SART3: variants seen among roughly 807,000 people sequenced by gnomAD.
SART3 encodes HIV-1 Tat-interacting protein of 110kDa.
Under a neutral mutation model 122.3 loss-of-function variants are expected in SART3, and 44 were observed. The ratio of observed to expected loss-of-function variants is 0.36; its 90% CI spans 0.28 to 0.46. The LOEUF (loss-of-function observed/expected upper bound fraction) is 0.46, where lower values mean the gene tolerates loss of function less well. Ranked by LOEUF, SART3 falls within the 20% of genes least tolerant of loss-of-function variation. The pLI is 1.00. For synonymous variants in SART3, 442 were observed against 454.0 expected, an observed-to-expected ratio of 0.97 and a Z score of 0.34; for missense variants, 1,101 against 1,229.0, an observed-to-expected ratio of 0.90 and a Z score of 1.56.
At chr12:108,529,039 C>T (rs1872527980) in intron 15 of SART3, among the ~76,000 whole-genome samples, 1 of 152,180 alleles carries the variant, frequency 6.6e-6, no homozygotes, top group African/African-American at 2.4e-5. Context: ...ACAAGAATCA[C>T]TTGAACCCGG....
At chr12:108,526,010 T>C (rs936825937) in intron 16 of SART3, 89 bp downstream of exon 16, 5 of 1,103,908 alleles carry the variant, frequency 4.5e-6, no homozygotes, top group Non-Finnish European at 6.8e-6. Context: ...AAAACTTCCA[T>C]GTCTATCCTA....
Position 108,561,012 on chromosome 12 carries a change from T to C in SART3, c.143A>G (p.Tyr48Cys). 6.2e-7 allele frequency: 1 copy of C among 1,614,182 alleles called. No homozygotes were observed. Among genetic ancestry groups the C allele is most frequent in the Non-Finnish European group, 8.5e-7 (1 of 1,180,020 alleles). Residue 48 changes from tyrosine to cysteine, a missense_variant, in exon 1 of 19, where the codon TAC becomes TGC. Transcript: ENST00000546815. ...ATCCCACGCTGGCCCCATGGTCTTG[T>C]ATGTCGCAGCGGCCACAGCCCGCGA... ...VLSRAVAAAT[Y>C]KTMGPAWDQQ... is the part of the protein sequence containing the mutation.
At chr12:108,532,651 T>C (rs1872730646) in intron 12 of SART3, 2 of 362,100 alleles carry the variant, frequency 5.5e-6, no homozygotes, top group African/African-American at 4.2e-5. Context: ...GTCCAACAGC[T>C]CTCTGTAACC....
chr12:108,531,172 G>A lies in SART3; in HGVS notation c.1746+32C>T, dbSNP rs762530355. On this transcript the variant is annotated intron_variant, in intron 14 of 18. Coordinates refer to ENST00000546815, the MANE Select transcript of SART3 (RefSeq NM_014706.4). Reference sequence around the variant, plus strand: ...CCAAACTGAGCCAAAATAGCTACCAGAGGTGCCAAAGACTTCAAACATTGT... The same window carrying A: ...CCAAACTGAGCCAAAATAGCTACCAAAGGTGCCAAAGACTTCAAACATTGT... The A allele has an allele frequency of 5.1e-6, 8 of 1,580,054 alleles. No individual in the cohort carries two copies. The Admixed American group carries it at 8.3e-5, about 16-fold the overall frequency.
chr12:108,538,589 A>G (rs993682536), intron 7 of SART3, among the ~76,000 whole-genome samples: 1 of 152,226 alleles, frequency 6.6e-6, no homozygotes, highest in Non-Finnish European at 1.5e-5. Flanking sequence ...AAAGCTATAA[A>G]TGTTACTAAT....
Position 108,545,192 on chromosome 12 carries a change from C to T in SART3, c.676G>A (p.Ala226Thr), listed in dbSNP as rs751331424. 2 of 1,614,104 alleles carry T rather than the reference C, an allele frequency of 1.2e-6. No individual in the cohort carries two copies. Among genetic ancestry groups the T allele is most frequent in the South Asian group, 1.1e-5 (1 of 91,068 alleles). The change falls in exon 4 of 19, where the codon GCC (alanine) becomes ACC (threonine). Residue 226 changes from alanine (A) to threonine (T), a missense_variant. Around this residue, in one of 2 missense-constraint regions of SART3, gnomAD observed 885 missense variants for 1,080.1 expected, o/e 0.82. Coordinates refer to ENST00000546815, the MANE Select transcript of SART3 (RefSeq NM_014706.4). ...SVGLHMTKGLALWEAYREFES... is the reference protein window; with the variant it reads ...SVGLHMTKGLTLWEAYREFES... ...AACTCTCGGTAAGCCTCCCAGAGGG[C>T]GAGTCCTTTGGTCATATGTAAACCA...
chr12:108,527,489 T>C (rs1872437640), intron 15 of SART3, among the ~76,000 whole-genome samples: 1 of 152,230 alleles, frequency 6.6e-6, no homozygotes, highest in South Asian at 2.1e-4. Flanking sequence ...TTCTTTGGCC[T>C]CCACCAGTAT....
chr12:108,554,493 G>A (rs1304336386), intron 1 of SART3, among the ~76,000 whole-genome samples: 1 of 151,516 alleles, frequency 6.6e-6, no homozygotes, highest in Non-Finnish European at 1.5e-5. Context: ...AGATTTGAGG[G>A]AAAAAAACAT....
intron 1 of SART3, among the ~76,000 whole-genome samples, chr12:108,559,612 A>G (rs1293890497): frequency 6.7e-6 from 1 of 149,314 alleles, no homozygotes; most frequent in East Asian, 2.0e-4. Context: ...TTGCAGTGAC[A>G]CGAGATGGTG....
chr12:108,525,313 T>C (rs1407844554), intron 17 of SART3, 144 bp downstream of exon 17: 8 of 806,112 alleles, frequency 9.9e-6, no homozygotes, highest in Admixed American at 4.1e-5. Flanking sequence ...TAGAGCTAAG[T>C]GCAGATCTTT....
intron 6 of SART3, among the ~76,000 whole-genome samples, chr12:108,541,097 G>C (rs1345716234): frequency 6.6e-6 from 1 of 152,122 alleles, no homozygotes; most frequent in African/African-American, 2.4e-5. Flanking sequence ...TTCATCAAAA[G>C]ACACTGTTAA....
chr12:108,534,499 G>A (rs1469947297), intron 12 of SART3, among the ~76,000 whole-genome samples: 2 of 150,416 alleles, frequency 1.3e-5, no homozygotes, highest in Admixed American at 6.6e-5. Flanking sequence ...GTGAAACTGT[G>A]CCTCTTCTAA....
intron 1 of SART3, among the ~76,000 whole-genome samples, chr12:108,559,494 C>A (rs2030381225): frequency 6.6e-6 from 1 of 151,866 alleles, no homozygotes; most frequent in Non-Finnish European, 1.5e-5. Flanking sequence ...GGTGAAACCC[C>A]GTCTCTACTA....
chr12:108,525,953 C>T (rs991425888), intron 16 of SART3, 146 bp downstream of exon 16: 4 of 720,082 alleles, frequency 5.6e-6, no homozygotes, highest in African/African-American at 1.8e-5. Flanking sequence ...TCAACCGGCT[C>T]AGGATGGACC....
At chr12:108,527,812 C>G (rs977363784) in intron 15 of SART3, among the ~76,000 whole-genome samples, 1 of 152,162 alleles carries the variant, frequency 6.6e-6, no homozygotes, top group African/African-American at 2.4e-5. Context: ...CTCTCCCAGG[C>G]TGGAGTGCAA....
rs1371909586 is a variant in SART3 at position 108,544,421 on chromosome 12, T to C, written c.781+6A>G. Reference sequence around the variant, plus strand: ...GGCTGGCTGTTGACATGTCAGTTTCTCTTACCATAGAGTGGGATCGCCAAC... The same window carrying C: ...GGCTGGCTGTTGACATGTCAGTTTCCCTTACCATAGAGTGGGATCGCCAAC... On this transcript the variant is annotated splice_donor_region_variant and intron_variant, in intron 5 of 18. Coordinates refer to ENST00000546815, the MANE Select transcript of SART3 (RefSeq NM_014706.4). 2 of 1,612,926 alleles carry C rather than the reference T, an allele frequency of 1.2e-6. No homozygotes were observed. Among genetic ancestry groups the C allele is most frequent in the African/African-American group, 2.7e-5 (2 of 75,068 alleles).
chr12:108,559,241 C>T (rs1364848373), intron 1 of SART3, among the ~76,000 whole-genome samples: 1 of 152,160 alleles, frequency 6.6e-6, no homozygotes, highest in East Asian at 1.9e-4. Flanking sequence ...AGATTAGCAA[C>T]TTCACATTCA....
At chr12:108,559,684 AAAAG>A (rs1196044963) in intron 1 of SART3, among the ~76,000 whole-genome samples, 7 of 150,614 alleles carry the variant, frequency 4.6e-5, no homozygotes, top group African/African-American at 1.7e-4. Flanking sequence ...AAAAAAAAAA[AAAAG>A]AGAGAATGTG....
chr12:108,553,869 C>T (rs2030107372), intron 1 of SART3, among the ~76,000 whole-genome samples: 1 of 152,232 alleles, frequency 6.6e-6, no homozygotes, highest in South Asian at 2.1e-4. Context: ...CCTTCCATGG[C>T]TTCCCAGTAT....
Sources: gnomAD v4.1 joint callset for allele counts (sites outside exome capture counted in the v4.1 genomes callset) on GRCh38, gnomAD v4.1.1 for gene constraint, gnomAD v4.1.1 regional missense constraint, MANE v1.5 for transcripts, NCBI Gene and HGNC (gene_info 2026-07-23, HGNC 2026-07-21) for gene names.